Variants in GABRA3 observed in about 807,000 individuals in gnomAD.
GABRA3 encodes the protein gamma-aminobutyric acid type A receptor subunit alpha3.
GABRA3 carries 10 observed loss-of-function variants against 30.1 expected under a neutral mutation model. That is an observed-to-expected ratio of 0.33 (90% CI 0.20 to 0.56). GABRA3 has a LOEUF of 0.56. Ranked by LOEUF, GABRA3 falls within the 20% of genes least tolerant of loss-of-function variation. The pLI, the probability that GABRA3 is intolerant of heterozygous loss-of-function variation, is 0.89. For missense variants in GABRA3, 233 were observed against 392.0 expected (o/e 0.59, Z 3.42); for synonymous variants, 151 against 146.8 (o/e 1.03, Z -0.21).
intron 1 of GABRA3, among the ~76,000 whole-genome samples, chrX:152,416,085 CCT>C (rs1415070340): frequency 9.4e-6 from 1 of 106,371 alleles, no homozygotes; most frequent in Admixed American, 1.0e-4. Flanking sequence ...TCAAATTGTC[CCT>C]GTTTGCAGAT....
intron 9 of GABRA3, among the ~76,000 whole-genome samples, chrX:152,186,028 C>T (rs144471764): frequency 5.8e-4 from 64 of 110,876 alleles, no homozygotes; most frequent in African/African-American, 1.8e-3. Flanking sequence ...ACTCATTCCC[C>T]AACCAATATT....
At chrX:152,232,214 A>G (rs1938094054) in intron 5 of GABRA3, among the ~76,000 whole-genome samples, 1 of 111,366 alleles carries the variant, frequency 9.0e-6, no homozygotes, top group African/African-American at 3.3e-5. Context: ...AGTGTTTAAG[A>G]GCATGGATTC....
rs929979999 is a variant in GABRA3 at position 152,336,982 on chromosome X, G to A, written c.262+8599C>T. Among the ~76,000 whole-genome samples the A allele has an allele frequency of 9.9e-5, 11 of 111,396 alleles. No homozygotes were observed. The South Asian group carries it at 1.5e-3, about 15-fold the overall frequency. On this transcript the variant is annotated intron_variant, in intron 3 of 9. Coordinates refer to ENST00000370314, the MANE Select transcript of GABRA3 (RefSeq NM_000808.4). The stretch of plus-strand genomic sequence containing the variant: ...CATCCATTAAAAAGATACAAGGAGA[G>A]AGAAACTGCAGGTTATGGTTGCAGA...
At chrX:152,443,906 G>A (rs1252483601) in intron 1 of GABRA3, among the ~76,000 whole-genome samples, 2 of 111,728 alleles carry the variant, frequency 1.8e-5, no homozygotes, top group Non-Finnish European at 3.8e-5. Context: ...GCTGCTGACC[G>A]ATGTGGGGAA....
At chrX:152,283,011 C>G (rs370417194) in intron 4 of GABRA3, among the ~76,000 whole-genome samples, 4 of 111,477 alleles carry the variant, frequency 3.6e-5, no homozygotes, top group Admixed American at 9.6e-5. Flanking sequence ...GCTACATACA[C>G]CTGGTGAGTA....
intron 4 of GABRA3, among the ~76,000 whole-genome samples, chrX:152,277,376 A>C (rs771611414): frequency 1.8e-5 from 2 of 111,168 alleles, no homozygotes; most frequent in African/African-American, 3.3e-5. Flanking sequence ...TTATTACTAT[A>C]ATGTCTTTTT....
intron 4 of GABRA3, among the ~76,000 whole-genome samples, chrX:152,267,660 T>C (rs968690737): frequency 9.0e-6 from 1 of 111,480 alleles, no homozygotes; most frequent in Non-Finnish European, 1.9e-5. Context: ...ACAGGAGAAA[T>C]TTTATTATAG....
intron 3 of GABRA3, among the ~76,000 whole-genome samples, chrX:152,320,064 T>TA (rs372945681): frequency 0.029 from 3,169 of 107,716 alleles, 96 homozygotes; most frequent in African/African-American, 0.1. Flanking sequence ...ATCAAAAACA[T>TA]AAAAAAAAAG....
At chrX:152,372,195 C>T (rs1013376385) in intron 1 of GABRA3, among the ~76,000 whole-genome samples, 7 of 111,292 alleles carry the variant, frequency 6.3e-5, no homozygotes, top group East Asian at 2.8e-4. Context: ...GTCAGACCCA[C>T]TCTCTTCTCA....
chrX:152,279,348 C>A (rs749598870), intron 4 of GABRA3, among the ~76,000 whole-genome samples: 95 of 111,803 alleles, frequency 8.5e-4, no homozygotes, highest in African/African-American at 3.0e-3. Context: ...GTTTTCCCAG[C>A]ACCATTTATT....
chrX:152,360,740 AAAAAAAAAAATAAATT>A (rs1249041100), intron 2 of GABRA3, among the ~76,000 whole-genome samples: 7,717 of 77,080 alleles, frequency 0.1, 357 homozygotes, highest in African/African-American at 0.14. Context: ...AAAAAAAATT[AAAAAAAAAAATAAATT>A]AAAAAAAAAA....
intron 4 of GABRA3, among the ~76,000 whole-genome samples, chrX:152,273,765 G>A (rs78771825): frequency 0.035 from 3,933 of 111,404 alleles, 137 homozygotes; most frequent in African/African-American, 0.097. Flanking sequence ...AGAATAGAAT[G>A]ATGATTAGTA....
chrX:152,226,684 A>G (rs752832275), intron 5 of GABRA3, among the ~76,000 whole-genome samples: 71 of 112,046 alleles, frequency 6.3e-4, no homozygotes, highest in Non-Finnish European at 9.8e-4. Context: ...ACAAATTTAC[A>G]AGAAAAAAAC....
intron 1 of GABRA3, among the ~76,000 whole-genome samples, chrX:152,399,635 G>C (rs1929744866): frequency 8.9e-6 from 1 of 111,779 alleles, no homozygotes; most frequent in South Asian, 3.8e-4. Context: ...TTGATTTTTA[G>C]AGAAAAGAGA....
intron 7 of GABRA3, among the ~76,000 whole-genome samples, chrX:152,201,934 T>A (rs961762760): frequency 8.9e-6 from 1 of 112,058 alleles, no homozygotes; most frequent in Non-Finnish European, 1.9e-5. Context: ...ATAATAAAAC[T>A]GTCATTCTAA....
intron 3 of GABRA3, among the ~76,000 whole-genome samples, chrX:152,324,685 C>A (rs1039274761): frequency 1.8e-5 from 2 of 110,919 alleles, no homozygotes; most frequent in Non-Finnish European, 1.9e-5. Flanking sequence ...AGACATGATT[C>A]AATGATACAG....
At chrX:152,290,488 C>G (rs1475886908) in intron 3 of GABRA3, among the ~76,000 whole-genome samples, 2 of 111,737 alleles carry the variant, frequency 1.8e-5, no homozygotes, top group African/African-American at 6.5e-5. Flanking sequence ...ATGATAGTTT[C>G]TTTTGCTGTG....
chrX:152,252,835 G>A (rs1038075979), intron 5 of GABRA3, among the ~76,000 whole-genome samples: 1 of 111,304 alleles, frequency 9.0e-6, no homozygotes, highest in Non-Finnish European at 1.9e-5. Context: ...AGACCACCTG[G>A]CATAATGCTA....
At position 152,166,312 on chromosome X, in the gene GABRA3, C is replaced by T. The variant is rs770795187; in HGVS notation, c.*1916G>A. 2 of 111,616 alleles carry T rather than the reference C, an allele frequency of 1.8e-5. No individual in the cohort carries two copies. The highest frequency in any genetic ancestry group is 6.5e-5 in the African/African-American group (2 of 30,589). The allele number at this position is 111,616 out of a possible 1,213,427, so 9.2% of individuals were successfully genotyped here. A position where few individuals can be genotyped will look rare whatever the true frequency, so the allele number is the denominator to read the frequency against. ...TGGAAACACAATTTCTACAGAGAGG[C>T]AAAGATCAGGCTTCCATTCTAAGTT... On this transcript the variant is annotated 3_prime_UTR_variant, in exon 10 of 10. Transcript: ENST00000370314.
Sources: gnomAD v4.1 joint callset for allele counts (sites outside exome capture counted in the v4.1 genomes callset) on GRCh38, gnomAD v4.1.1 for gene constraint, MANE v1.5 for transcripts, NCBI Gene and HGNC (gene_info 2026-07-23, HGNC 2026-07-21) for gene names.